DBR1: variants seen among roughly 807,000 people sequenced by gnomAD.
The protein encoded by DBR1 is debranching RNA lariats 1.
A neutral mutation model predicts 45.9 loss-of-function variants in DBR1; 33 were observed. The ratio of observed to expected loss-of-function variants is 0.72; its 90% CI spans 0.55 to 0.96. The LOEUF (loss-of-function observed/expected upper bound fraction) is 0.96. Among genes scored for constraint, DBR1 ranks in the 40% least tolerant of loss-of-function variants. The probability of loss-of-function intolerance (pLI) is 0.00; values close to 1 mark genes in which losing one functional copy is unlikely to be tolerated. For missense variants in DBR1, 619 were observed against 667.4 expected, an observed-to-expected ratio of 0.93 and a Z score of 0.80; for synonymous variants, 235 against 235.9, an observed-to-expected ratio of 1.00 and a Z score of 0.04.
chr3:138,162,679 T>A, intron 7 of DBR1, 97 bp from the exon 8 acceptor site: 1 of 1,044,472 alleles, frequency 9.6e-7, no homozygotes, highest in Non-Finnish European at 1.4e-6. Context: ...GGATAAAAAA[T>A]AAGCCATCTA....
chr3:138,163,963 A>C (rs2042919247), intron 5 of DBR1, 105 bp from the exon 6 acceptor site: 1 of 689,984 alleles, frequency 1.4e-6, no homozygotes, highest in African/African-American at 1.8e-5. Context: ...CATACCCCTA[A>C]GTTGTGTGTC....
chr3:138,166,637 A>G (rs2042931389), intron 5 of DBR1, among the ~76,000 whole-genome samples: 1 of 152,176 alleles, frequency 6.6e-6, no homozygotes, highest in Non-Finnish European at 1.5e-5. Flanking sequence ...CATGGCCCCT[A>G]GAAGGCAGTT....
chr3:138,173,608 T>C lies in DBR1; in HGVS notation c.216A>G (p.Lys72=). Residue 72 remains lysine, a synonymous_variant, in exon 2 of 8, where the codon AAA becomes AAG. Coordinates refer to ENST00000260803, the MANE Select transcript of DBR1 (RefSeq NM_016216.4). The part of the protein sequence containing the change: ...QTFYRYYSGE[K]KAPVLTLFIG... The stretch of plus-strand genomic sequence containing the variant: ...TGAAGAGCGTGAGAACTGGAGCCTT[T>C]TTCTCTCCAGAGTAATACCTAGAAC... 2.5e-6 allele frequency: 4 copies of C among 1,613,892 alleles called. No homozygotes were observed. The highest frequency in any genetic ancestry group is 3.4e-6 in the Non-Finnish European group (4 of 1,179,874).
Position 138,173,715 on chromosome 3 carries a change from C to T in DBR1, c.198-89G>A. The T allele has an allele frequency of 4.2e-6, 6 of 1,433,322 alleles. No individual in the cohort carries two copies. The South Asian group carries it at 6.5e-5, about 16-fold the overall frequency. The allele number at this position is 1,433,322 out of a possible 1,614,324, so 88.8% of individuals were successfully genotyped here. On this transcript the variant is annotated intron_variant, in intron 1 of 7. Transcript: ENST00000260803. ...AAAAAAAAAAAGAAACTGAGTTCAT[C>T]ATAAAAAGTTAAAAAGCTCTTTCAA...
rs1483981929 is a variant in DBR1 at position 138,167,183 on chromosome 3, T to C, written c.612A>G (p.Thr204=). The C allele has an allele frequency of 3.7e-6, 6 of 1,614,178 alleles. No individual in the cohort carries two copies. The South Asian group carries it at 6.6e-5, about 18-fold the overall frequency. ...SFFRQEVENN[T]LGSPAASELL... ...GCTCTGAGGCAGCTGGACTTCCTAA[T>C]GTGTTATTTTCCACTTCTTGTCGGA... Residue 204 remains threonine (T), a synonymous_variant, in exon 5 of 8, where the codon ACA becomes ACG. Transcript: ENST00000260803.
intron 4 of DBR1, among the ~76,000 whole-genome samples, chr3:138,169,625 G>A (rs114241405): frequency 7.5e-4 from 114 of 151,904 alleles, no homozygotes; most frequent in Admixed American, 2.4e-3. Context: ...AAATAAACTC[G>A]TAATTATTGA....
intron 1 of DBR1, among the ~76,000 whole-genome samples, 198 bp from the exon 2 acceptor site, chr3:138,173,824 G>A (rs1461151811): frequency 1.3e-5 from 2 of 152,022 alleles, no homozygotes; most frequent in Non-Finnish European, 2.9e-5. Context: ...ATCCCCTGAG[G>A]TCAGGAGTTC....
Position 138,163,788 on chromosome 3 carries a change from T to C in DBR1, c.785A>G (p.Asp262Gly). 6.2e-7 allele frequency: 1 copy of C among 1,610,800 alleles called. No individual in the cohort carries two copies. Among genetic ancestry groups the C allele is most frequent in the South Asian group, 1.1e-5 (1 of 90,780 alleles). Residue 262 changes from aspartate to glycine, a missense_variant, in exon 6 of 8, where the codon GAT (aspartate) becomes GGT (glycine). Asp to Gly is a moderately conservative substitution (Grantham distance 94). Around this residue, in one of 3 missense-constraint regions of DBR1, gnomAD observed 430 missense variants for 447.7 expected, o/e 0.96. Transcript: ENST00000260803. ...LALDKCLPHRDFLQILEIEHD... is the reference protein window; with the variant it reads ...LALDKCLPHRGFLQILEIEHD... Reference sequence around the variant, plus strand: ...CTTCACTCTTCTTACCTGAAGAAAATCTCTATGTGGTAAGCATTTGTCCAA... The same window carrying C: ...CTTCACTCTTCTTACCTGAAGAAAACCTCTATGTGGTAAGCATTTGTCCAA...
chr3:138,163,768 C>G lies in DBR1; in HGVS notation c.795+10G>C, dbSNP rs763276806. 7 of 1,597,854 alleles carry G rather than the reference C, an allele frequency of 4.4e-6. No homozygotes were observed. The South Asian group carries it at 4.5e-5, about 10-fold the overall frequency. On this transcript the variant is annotated intron_variant, in intron 6 of 7. Transcript: ENST00000260803. ...ACAACTATATTATAAAGCCACTTCA[C>G]TCTTCTTACCTGAAGAAAATCTCTA...
At chr3:138,171,888 A>G (rs1576535136) in intron 2 of DBR1, among the ~76,000 whole-genome samples, 175 bp from the exon 3 acceptor site, 1 of 152,338 alleles carries the variant, frequency 6.6e-6, no homozygotes, top group South Asian at 2.1e-4. Flanking sequence ...TTAGGGATAT[A>G]TTATAACAGT....
At position 138,161,324 on chromosome 3, in the gene DBR1, A is replaced by G. The variant is rs1434638554; in HGVS notation, c.*565T>C. The G allele has an allele frequency of 6.5e-6, 1 of 153,234 alleles. No homozygotes were observed. Among genetic ancestry groups the G allele is most frequent in the East Asian group, 1.9e-4 (1 of 5,214 alleles). 9.5% of individuals were successfully genotyped at this position (153,234 alleles called of 1,614,324 possible). On this transcript the variant is annotated 3_prime_UTR_variant, in exon 8 of 8. Transcript: ENST00000260803. Reference sequence around the variant, plus strand: ...TGTTAAGTAAGTGTTTATTGTAAAAATGGAAGTGAATAATGTATGTCTTCA... The same window carrying G: ...TGTTAAGTAAGTGTTTATTGTAAAAGTGGAAGTGAATAATGTATGTCTTCA...
At chr3:138,173,664 C>A in intron 1 of DBR1, 38 bp from the exon 2 acceptor site, 3 of 1,545,546 alleles carry the variant, frequency 1.9e-6, no homozygotes, top group Non-Finnish European at 1.7e-6. Context: ...CACAATTAGG[C>A]ATAGCAGAAA....
rs367901122 is a variant in DBR1, at chr3:138,163,793, A to G, written c.780T>C (p.His260=). Residue 260 remains histidine, a synonymous_variant, in exon 6 of 8, where the codon CAT becomes CAC. Coordinates refer to ENST00000260803, the MANE Select transcript of DBR1 (RefSeq NM_016216.4). ...KFLALDKCLP[H]RDFLQILEIE... is the part of the protein sequence containing the mutation. ...CTCTTCTTACCTGAAGAAAATCTCT[A>G]TGTGGTAAGCATTTGTCCAAGGCTA... 1.6e-4 allele frequency: 255 copies of G among 1,611,206 alleles called. No individual in the cohort carries two copies. The highest frequency in any genetic ancestry group is 2.1e-4 in the Non-Finnish European group (244 of 1,178,084).
At chr3:138,164,638 G>GT (rs1205353943) in intron 5 of DBR1, among the ~76,000 whole-genome samples, 11 of 152,066 alleles carry the variant, frequency 7.2e-5, no homozygotes, top group Non-Finnish European at 1.5e-4. Context: ...TTAAAATGTG[G>GT]TTTTTTTCTT....
At chr3:138,163,713 A>G in intron 6 of DBR1, 65 bp downstream of exon 6, 1 of 1,231,056 alleles carries the variant, frequency 8.1e-7, no homozygotes, top group Non-Finnish European at 1.1e-6. Flanking sequence ...CCGAAAGGAA[A>G]ATTATATTTT....
At chr3:138,169,882 G>A (rs145809440) in intron 4 of DBR1, among the ~76,000 whole-genome samples, 2 of 151,924 alleles carry the variant, frequency 1.3e-5, no homozygotes, top group African/African-American at 2.4e-5. Flanking sequence ...GCAGTGAGCC[G>A]AGATCGCGCC....
intron 4 of DBR1, among the ~76,000 whole-genome samples, chr3:138,168,520 C>CAA (rs1315660239): frequency 4.2e-4 from 26 of 62,488 alleles, no homozygotes; most frequent in South Asian, 1.1e-3. Context: ...AACTTTGTCT[C>CAA]AAAAAAAAAA....
At position 138,161,786 on chromosome 3, in the gene DBR1, C is replaced by T. The variant is rs904781698; in HGVS notation, c.*103G>A. 1.5e-5 allele frequency: 14 copies of T among 908,026 alleles called. No homozygotes were observed. Among genetic ancestry groups the T allele is most frequent in the East Asian group, 5.0e-5 (2 of 40,218 alleles). 56.2% of individuals were successfully genotyped at this position (908,026 alleles called of 1,614,324 possible). On this transcript the variant is annotated 3_prime_UTR_variant, in exon 8 of 8. Coordinates refer to ENST00000260803, the MANE Select transcript of DBR1 (RefSeq NM_016216.4). ...GCTTGAACCTGGGAGGCGGAGGTTG[C>T]GGTGAGCCGAGATCACGCCATTGCA...
Position 138,174,832 on chromosome 3 carries a change from C to A in DBR1, c.-37G>T. 1 of 1,589,686 alleles carries A rather than the reference C, an allele frequency of 6.3e-7. No homozygotes were observed. The highest frequency in any genetic ancestry group is 8.6e-7 in the Non-Finnish European group (1 of 1,168,212). The stretch of plus-strand genomic sequence containing the variant: ...GAGGAGGTGAGCGCTGCCTGCAACG[C>A]CCTACACCACAGCCAGCCCAGGACC... On this transcript the variant is annotated 5_prime_UTR_variant, in exon 1 of 8. Transcript: ENST00000260803.
Sources: allele counts gnomAD v4.1 joint callset (sites outside exome capture counted in the v4.1 genomes callset), GRCh38; gene constraint gnomAD v4.1.1; regional missense constraint gnomAD v4.1.1; transcripts MANE v1.5; gene names NCBI Gene and HGNC (gene_info 2026-07-23, HGNC 2026-07-21).